WDR25: variants seen among roughly 807,000 people sequenced by gnomAD.
WDR25 encodes the protein WD repeat-containing protein 25.
Under a neutral mutation model 47.7 loss-of-function variants are expected in WDR25, and 35 were observed. The ratio of observed to expected loss-of-function variants is 0.73; its 90% CI spans 0.56 to 0.97. The LOEUF (loss-of-function observed/expected upper bound fraction) is 0.97, where lower values mean the gene tolerates loss of function less well. Among genes scored for constraint, WDR25 ranks in the 50% least tolerant of loss-of-function variants. WDR25 has a pLI of 0.00. For missense variants in WDR25, 634 were observed against 704.7 expected (o/e 0.90, Z 1.14); for synonymous variants, 248 against 278.9 (o/e 0.89, Z 1.10).
intron 4 of WDR25, among the ~76,000 whole-genome samples, chr14:100,494,193 AG>A (rs1900657972): frequency 6.6e-6 from 1 of 152,214 alleles, no homozygotes; most frequent in African/African-American, 2.4e-5. Context: ...TAAAAGTGTT[AG>A]GATTATAGGC....
chr14:100,498,673 C>T lies in WDR25; in HGVS notation c.1101+14549C>T, dbSNP rs188043669. ...CCCTTCTCCACCACCTCAGTCCCTG[C>T]GTCCTCCTCTTCCAGGGCCAACATG... On this transcript the variant is annotated intron_variant, in intron 4 of 6. Coordinates refer to ENST00000402312, the MANE Select transcript of WDR25 (RefSeq NM_001161476.3). This position sits in a 1 kb window ranked among gnomAD's most constrained non-coding sequence, Gnocchi z 4.2. Among the ~76,000 whole-genome samples the T allele has an allele frequency of 1.1e-4, 16 of 152,342 alleles. No homozygotes were observed. Among genetic ancestry groups the T allele is most frequent in the Non-Finnish European group, 1.9e-4 (13 of 68,028 alleles).
intron 4 of WDR25, among the ~76,000 whole-genome samples, chr14:100,485,509 A>G (rs1327135006): frequency 2.6e-5 from 4 of 152,172 alleles, no homozygotes; most frequent in Non-Finnish European, 1.5e-5. Flanking sequence ...CAGATACAGG[A>G]GGTGGGAACA....
chr14:100,529,844 G>A lies in WDR25; in HGVS notation c.1438G>A (p.Glu480Lys), dbSNP rs774161005. 78 of 1,612,542 alleles carry A rather than the reference G, an allele frequency of 4.8e-5. No individual in the cohort carries two copies. Among genetic ancestry groups the A allele is most frequent in the Admixed American group, 1.7e-5 (1 of 59,998 alleles). Residue 480 changes from glutamate to lysine, a missense_variant, in exon 7 of 7, where the codon GAG (glutamate) becomes AAG (lysine). Transcript: ENST00000402312. The surrounding 1 kb of genome is among the most constrained non-coding windows in gnomAD (Gnocchi z 5.1). ...HKVEGYSVGCECSPGGDLLVT... is the reference protein window; with the variant it reads ...HKVEGYSVGCKCSPGGDLLVT... ...GGTGGAGGGCTACTCAGTGGGCTGC[G>A]AGTGCTCCCCAGGCGGTGACTTGCT...
intron 5 of WDR25, 123 bp from the exon 6 acceptor site, chr14:100,528,945 C>A: frequency 8.6e-7 from 1 of 1,167,572 alleles, no homozygotes; most frequent in Non-Finnish European, 1.2e-6. Context: ...TGATTTGTCA[C>A]AGCAGTGATA....
intron 2 of WDR25, among the ~76,000 whole-genome samples, chr14:100,461,298 G>A (rs1015538982): frequency 6.6e-6 from 1 of 152,178 alleles, no homozygotes; most frequent in Non-Finnish European, 1.5e-5. Flanking sequence ...TAGTAAGGTT[G>A]CAGAATCCAA....
At chr14:100,376,585 T>C in intron 1 of WDR25, 90 bp downstream of exon 1, 2 of 1,231,996 alleles carry the variant, frequency 1.6e-6, no homozygotes, top group Non-Finnish European at 2.0e-6. Flanking sequence ...CGGTCTCTCA[T>C]AGCCGCTCGC....
intron 2 of WDR25, among the ~76,000 whole-genome samples, chr14:100,434,700 A>G (rs939841239): frequency 6.6e-6 from 1 of 152,144 alleles, no homozygotes; most frequent in African/African-American, 2.4e-5. Flanking sequence ...AAAAAGTTCT[A>G]TTCAGAGAGG....
chr14:100,447,459 C>T (rs1898875689), intron 2 of WDR25, among the ~76,000 whole-genome samples: 1 of 152,186 alleles, frequency 6.6e-6, no homozygotes, highest in Admixed American at 6.5e-5. Flanking sequence ...CTGCTCTTTG[C>T]CACGTGTCTG....
In WDR25 at chr14:100,439,899, C is replaced by T. The variant is rs1285540678; in HGVS notation, c.823-28122C>T. 4.6e-5 allele frequency among the ~76,000 whole-genome samples: 7 copies of T among 152,306 alleles called. No homozygotes were observed. The South Asian group carries it at 1.5e-3, about 32-fold the overall frequency. On this transcript the variant is annotated intron_variant, in intron 2 of 6. Transcript: ENST00000402312. ...CAGTGGATGGGAGTGAACTAGCTGG[C>T]AGCGCTCTCGTGTGACGTGGCAGAG...
intron 2 of WDR25, among the ~76,000 whole-genome samples, chr14:100,464,027 T>C (rs7150207): frequency 0.019 from 2,908 of 152,294 alleles, 87 homozygotes; most frequent in African/African-American, 0.066. Flanking sequence ...GTGGTCCTAC[T>C]GCAGTGGAAC....
chr14:100,466,440 A>C (rs1034265878), intron 2 of WDR25, among the ~76,000 whole-genome samples: 4 of 152,194 alleles, frequency 2.6e-5, no homozygotes, highest in African/African-American at 9.7e-5. Context: ...GTAGAAGTGC[A>C]TGGGTGTACT....
intron 2 of WDR25, among the ~76,000 whole-genome samples, chr14:100,397,861 C>T (rs137985667): frequency 1.6e-3 from 246 of 152,262 alleles, no homozygotes; most frequent in African/African-American, 5.5e-3. Flanking sequence ...GTTTTTGAGA[C>T]GGAGTCTTGC....
chr14:100,489,515 G>C (rs1900493188), intron 4 of WDR25, among the ~76,000 whole-genome samples: 1 of 152,178 alleles, frequency 6.6e-6, no homozygotes, highest in African/African-American at 2.4e-5. Context: ...TGTTAAGAAA[G>C]CTTATATAGC....
chr14:100,380,288 T>C (rs1272945867), intron 1 of WDR25, among the ~76,000 whole-genome samples: 3 of 151,882 alleles, frequency 2.0e-5, no homozygotes, highest in Non-Finnish European at 4.4e-5. Context: ...CCTCAAGTGA[T>C]CCGCCCACCT....
intron 4 of WDR25, among the ~76,000 whole-genome samples, chr14:100,504,303 C>A (rs76953764): frequency 0.02 from 2,969 of 152,256 alleles, 101 homozygotes; most frequent in African/African-American, 0.067. Context: ...CAAATCAGGA[C>A]CCTAACATTT....
intron 2 of WDR25, 41 bp from the exon 3 acceptor site, chr14:100,467,980 C>T (rs1270589267): frequency 1.1e-5 from 18 of 1,610,084 alleles, no homozygotes; most frequent in Non-Finnish European, 1.4e-5. Flanking sequence ...GGAGATCAGG[C>T]CCTTGTTGTG....
intron 2 of WDR25, among the ~76,000 whole-genome samples, chr14:100,411,342 C>T (rs1454765915): frequency 6.6e-6 from 1 of 152,014 alleles, no homozygotes; most frequent in Non-Finnish European, 1.5e-5. Flanking sequence ...TCCCTTAGTG[C>T]CACTGTCACA....
At chr14:100,524,663 C>T (rs1045785560) in intron 4 of WDR25, among the ~76,000 whole-genome samples, 11 of 152,270 alleles carry the variant, frequency 7.2e-5, no homozygotes, top group African/African-American at 2.2e-4. Flanking sequence ...CTACCCTCCC[C>T]CAGGAATTAC....
chr14:100,529,773 C>A lies in WDR25; in HGVS notation c.1414-47C>A. 6.3e-7 allele frequency: 1 copy of A among 1,583,462 alleles called. No individual in the cohort carries two copies. Among genetic ancestry groups the A allele is most frequent in the South Asian group, 1.1e-5 (1 of 87,380 alleles). ...CTCTGTAGAATGGGCATACTCACCC[C>A]GGCTTGACAGGTGCGGCTTGCTCAC... On this transcript the variant is annotated intron_variant, in intron 6 of 6. Transcript: ENST00000402312. This position sits in a 1 kb window ranked among gnomAD's most constrained non-coding sequence, Gnocchi z 5.1.
Sources: gnomAD v4.1 joint callset for allele counts (sites outside exome capture counted in the v4.1 genomes callset) on GRCh38, gnomAD v4.1.1 for gene constraint, Gnocchi (gnomAD v3.1) non-coding constraint, MANE v1.5 for transcripts, NCBI Gene and HGNC (gene_info 2026-07-23, HGNC 2026-07-21) for gene names.